Variants in KCNS1 observed in about 807,000 individuals in gnomAD.
The protein encoded by KCNS1 is delayed-rectifier potassium channel regulatory subunit KCNS1.
In KCNS1, 26 loss-of-function variants were observed where a neutral mutation model predicts 33.1. The observed-to-expected ratio is 0.79, with a 90% CI of 0.58 to 1.09. The LOEUF is 1.09. KCNS1 is among the 50% of genes least tolerant of loss of function. The probability of loss-of-function intolerance (pLI) is 0.00; values close to 1 mark genes in which losing one functional copy is unlikely to be tolerated. For missense variants in KCNS1, 702 were observed against 752.4 expected (o/e 0.93, Z 0.78); for synonymous variants, 299 against 338.8 (o/e 0.88, Z 1.29).
chr20:45,098,357 C>A lies in KCNS1; in HGVS notation c.415G>T (p.Asp139Tyr). ...LCVFAFGQEA[D>Y]YWGLGENALA... Reference sequence around the variant, plus strand: ...GCGTTCTCGCCTAGGCCCCAGTAGTCGGCCTCCTGGCCAAAGGCGAAGACG... The same window carrying A: ...GCGTTCTCGCCTAGGCCCCAGTAGTAGGCCTCCTGGCCAAAGGCGAAGACG... Residue 139 changes from aspartate (D) to tyrosine (Y), a missense_variant, in exon 3 of 4, where the codon GAC (aspartate) becomes TAC (tyrosine). Physicochemically the swap from Asp to Tyr is radical, Grantham distance 160. Transcript: ENST00000537075. This position sits in a 1 kb window ranked among gnomAD's most constrained non-coding sequence, Gnocchi z 5.2. 2 of 1,575,980 alleles carry A rather than the reference C, an allele frequency of 1.3e-6. No individual in the cohort carries two copies. Among genetic ancestry groups the A allele is most frequent in the Non-Finnish European group, 8.6e-7 (1 of 1,161,096 alleles).
chr20:45,099,296 A>G lies in KCNS1; in HGVS notation c.-3-57T>C, dbSNP rs539042357. On this transcript the variant is annotated intron_variant, in intron 1 of 3. Transcript: ENST00000537075. ...CCTGCCATCGATTTACTGAATCGGG[A>G]ACTCTAAGGGTGGGGTCTAGCACTT... The G allele has an allele frequency of 5.4e-6, 5 of 924,992 alleles. No individual in the cohort carries two copies. The African/African-American group carries it at 8.2e-5, about 15-fold the overall frequency. 57.3% of individuals were successfully genotyped at this position (924,992 alleles called of 1,614,324 possible).
chr20:45,096,362 G>A (rs1358836683), intron 3 of KCNS1, among the ~76,000 whole-genome samples: 2 of 152,150 alleles, frequency 1.3e-5, no homozygotes. Flanking sequence ...GTCAGGCCCT[G>A]GCTCTCTGCA....
At position 45,099,147 on chromosome 20, in the gene KCNS1, ATAG is replaced by A; in HGVS notation, c.76+11_76+13del. ...AACCTGTTTCTTCTGCAAAATGAGG[ATAG>A]TAACACTTACCTCCTAGGGGTGTTG... On this transcript the variant is annotated intron_variant, in intron 2 of 3. Coordinates refer to ENST00000537075, the MANE Select transcript of KCNS1 (RefSeq NM_001322799.2). The A allele has an allele frequency of 6.4e-7, 1 of 1,550,834 alleles. No homozygotes were observed.
At chr20:45,097,611 G>T in intron 3 of KCNS1, 51 bp downstream of exon 3, 2 of 1,523,602 alleles carry the variant, frequency 1.3e-6, no homozygotes, top group Non-Finnish European at 1.8e-6. Context: ...CTAACCTGCC[G>T]GATGGCTACA....
Position 45,098,007 on chromosome 20 carries a change from A to T in KCNS1, c.765T>A (p.Ala255=), listed in dbSNP as rs1568791506. The change falls in exon 3 of 4, where the codon GCT becomes GCA. Residue 255 remains alanine, a synonymous_variant. Coordinates refer to ENST00000537075, the MANE Select transcript of KCNS1 (RefSeq NM_001322799.2). The surrounding 1 kb of genome is among the most constrained non-coding windows in gnomAD (Gnocchi z 5.2). ...CCGGGCTGCGGCCCGCGGCCACCGCAGCCACGGCGGCCGCCGCCTCGCGGG... is the reference window on the plus strand; with the variant it reads ...CCGGGCTGCGGCCCGCGGCCACCGCTGCCACGGCGGCCGCCGCCTCGCGGG... The part of the protein sequence containing the change: ...YQAREAAAAV[A]AVAAGRSPEG... 1.3e-6 allele frequency: 2 copies of T among 1,514,480 alleles called. No individual in the cohort carries two copies. Among genetic ancestry groups the T allele is most frequent in the Non-Finnish European group, 1.8e-6 (2 of 1,135,060 alleles). 93.8% of individuals were successfully genotyped at this position (1,514,480 alleles called of 1,614,324 possible).
In KCNS1 at chr20:45,094,766, C is replaced by G; in HGVS notation, c.*104G>C. 2 of 929,696 alleles carry G rather than the reference C, an allele frequency of 2.2e-6. No homozygotes were observed. Among genetic ancestry groups the G allele is most frequent in the South Asian group, 3.2e-5 (2 of 63,160 alleles). The allele number at this position is 929,696 out of a possible 1,614,324, so 57.6% of individuals were successfully genotyped here. The stretch of plus-strand genomic sequence containing the variant: ...AATGCAGCTTTTGAATCTCATTTCT[C>G]AGGACAGCATGAGTGATCCTGGGAG... On this transcript the variant is annotated 3_prime_UTR_variant, in exon 4 of 4. Transcript: ENST00000537075.
chr20:45,096,925 G>A (rs1981202573), intron 3 of KCNS1, among the ~76,000 whole-genome samples: 2 of 152,204 alleles, frequency 1.3e-5, no homozygotes, highest in African/African-American at 4.8e-5. Context: ...TCTCTCTCCA[G>A]GCCTCGGCAC....
chr20:45,096,020 T>C (rs924706963), intron 3 of KCNS1, among the ~76,000 whole-genome samples: 3 of 152,028 alleles, frequency 2.0e-5, no homozygotes, highest in African/African-American at 7.2e-5. Context: ...CATCCTAAAA[T>C]GTACAGGGCA....
At position 45,099,351 on chromosome 20, in the gene KCNS1, G is replaced by C. The variant is rs962273612; in HGVS notation, c.-3-112C>G. The C allele has an allele frequency of 7.4e-6, 5 of 677,134 alleles. No homozygotes were observed. In the African/African-American group the frequency reaches 8.9e-5, roughly 12 times the overall value. 41.9% of individuals were successfully genotyped at this position (677,134 alleles called of 1,614,324 possible). Reference sequence around the variant, plus strand: ...TTCTAACAAGATTGGAAAGTGATTCGGCTACATAGTCAAGTTTGAGAGCTC... The same window carrying C: ...TTCTAACAAGATTGGAAAGTGATTCCGCTACATAGTCAAGTTTGAGAGCTC... On this transcript the variant is annotated intron_variant, in intron 1 of 3. Transcript: ENST00000537075.
Position 45,094,527 on chromosome 20 carries a change from G to A in KCNS1, c.*343C>T, listed in dbSNP as rs562438895. 1.4e-5 allele frequency: 3 copies of A among 213,702 alleles called. No homozygotes were observed. The highest frequency in any genetic ancestry group is 1.1e-4 in the South Asian group (1 of 9,488). The allele number at this position is 213,702 out of a possible 1,614,324, so 13.2% of individuals were successfully genotyped here. A position where few individuals can be genotyped will look rare whatever the true frequency, so the allele number is the denominator to read the frequency against. On this transcript the variant is annotated 3_prime_UTR_variant, in exon 4 of 4. Transcript: ENST00000537075. ...CTTGGTTTCCTCATCTGTGAAGTGG[G>A]GATAATTCTCTTTCTCCAACACAAG...
rs1209118689 is a variant in KCNS1 at position 45,091,485 on chromosome 20, C to T, written c.*3385G>A. 6.6e-6 allele frequency among the ~76,000 whole-genome samples: 1 copy of T among 152,200 alleles called. No individual in the cohort carries two copies. Among genetic ancestry groups the T allele is most frequent in the Non-Finnish European group, 1.5e-5 (1 of 68,034 alleles). ...TAGAGCTCCCCTCATTCCTGTATTT[C>T]CTGAGGCCTCGTCAGTCAGCTCTTC... On this transcript the variant is annotated 3_prime_UTR_variant, in exon 4 of 4. Coordinates refer to ENST00000537075, the MANE Select transcript of KCNS1 (RefSeq NM_001322799.2).
chr20:45,095,422 G>C (rs1981154247), intron 3 of KCNS1, 82 bp from the exon 4 acceptor site: 1 of 1,299,534 alleles, frequency 7.7e-7, no homozygotes, highest in Admixed American at 2.3e-5. Context: ...CTGAGGCCCA[G>C]AGAGTATAAA....
In KCNS1 at chr20:45,098,086, A is replaced by T; in HGVS notation, c.686T>A (p.Val229Glu). The T allele has an allele frequency of 6.4e-7, 1 of 1,569,818 alleles. No homozygotes were observed. The highest frequency in any genetic ancestry group is 8.6e-7 in the Non-Finnish European group (1 of 1,158,454). ...SKLFSCVSISVVLASIAAMCI... is the reference protein window; with the variant it reads ...SKLFSCVSISEVLASIAAMCI... ...CATGGCGGCGATGGAGGCGAGCACC[A>T]CGCTGATGGAGACGCAGCTGAAGAG... Residue 229 changes from valine (V) to glutamate (E), a missense_variant, in exon 3 of 4, where the codon GTG becomes GAG. Physicochemically the swap from Val to Glu is moderately radical, Grantham distance 121. Transcript: ENST00000537075. The surrounding 1 kb of genome is among the most constrained non-coding windows in gnomAD (Gnocchi z 5.2).
intron 3 of KCNS1, 117 bp from the exon 4 acceptor site, chr20:45,095,457 A>C: frequency 1.1e-6 from 1 of 932,294 alleles, no homozygotes; most frequent in Non-Finnish European, 1.6e-6. Flanking sequence ...TCAGCAAGAT[A>C]GAGCTGGTGC....
chr20:45,100,437 C>T (rs1981354829), intron 1 of KCNS1: 1 of 152,248 alleles, frequency 6.6e-6, no homozygotes, highest in Non-Finnish European at 1.5e-5. Context: ...GGGCAAATCC[C>T]TTCATCCATC....
Position 45,098,942 on chromosome 20 carries a change from C to A in KCNS1, c.76+219G>T, listed in dbSNP as rs1467606996. Reference sequence around the variant, plus strand: ...TCACTGACCCACCCCACCCCCATTTCATTTTTCTCCTTTGGAAAGTAAATG... The same window carrying A: ...TCACTGACCCACCCCACCCCCATTTAATTTTTCTCCTTTGGAAAGTAAATG... On this transcript the variant is annotated intron_variant, in intron 2 of 3. Coordinates refer to ENST00000537075, the MANE Select transcript of KCNS1 (RefSeq NM_001322799.2). The surrounding 1 kb of genome is among the most constrained non-coding windows in gnomAD (Gnocchi z 5.2). 1.3e-5 allele frequency among the ~76,000 whole-genome samples: 2 copies of A among 152,160 alleles called. No homozygotes were observed. The highest frequency in any genetic ancestry group is 1.5e-5 in the Non-Finnish European group (1 of 68,030).
chr20:45,097,818 GA>G lies in KCNS1; in HGVS notation c.953del (p.Leu318ProfsTer100). On this transcript the variant is annotated frameshift_variant, in exon 3 of 4. Coordinates refer to ENST00000537075, the MANE Select transcript of KCNS1 (RefSeq NM_001322799.2). LOFTEE classifies it high-confidence loss of function. ...CCAGTGCCACACCAGCCAGCAGCGT[GA>G]GATAGAAGGGCAGCACAGACACAAT... ...IDIVSVLPFY[L>X]TLLAGVALGD... 6.2e-7 allele frequency: 1 copy of G among 1,613,738 alleles called. No individual in the cohort carries two copies. Among genetic ancestry groups the G allele is most frequent in the Non-Finnish European group, 8.5e-7 (1 of 1,179,990 alleles).
chr20:45,099,966 C>CT (rs1457767434), intron 1 of KCNS1, among the ~76,000 whole-genome samples: 2 of 152,252 alleles, frequency 1.3e-5, no homozygotes, highest in South Asian at 4.1e-4. Flanking sequence ...ACCCTTAGCT[C>CT]TATCACTTGT....
chr20:45,098,341 C>T lies in KCNS1; in HGVS notation c.431G>A (p.Gly144Asp). The change falls in exon 3 of 4, where the codon GGC becomes GAC. Residue 144 changes from glycine (G) to aspartate (D), a missense_variant. Around this residue, in one of 3 missense-constraint regions of KCNS1, gnomAD observed 374 missense variants for 352.3 expected, o/e 1.06. Transcript: ENST00000537075. This position sits in a 1 kb window ranked among gnomAD's most constrained non-coding sequence, Gnocchi z 5.2. The part of the protein sequence containing the change: ...FGQEADYWGL[G>D]ENALAACCRA... ...GCAGCACGCGGCAAGCGCGTTCTCG[C>T]CTAGGCCCCAGTAGTCGGCCTCCTG... 6.4e-7 allele frequency: 1 copy of T among 1,573,284 alleles called. No individual in the cohort carries two copies. The highest frequency in any genetic ancestry group is 1.2e-5 in the South Asian group (1 of 86,504).
Sources: gnomAD v4.1 joint callset for allele counts (sites outside exome capture counted in the v4.1 genomes callset) on GRCh38, gnomAD v4.1.1 for gene constraint, gnomAD v4.1.1 regional missense constraint, Gnocchi (gnomAD v3.1) non-coding constraint, MANE v1.5 for transcripts, NCBI Gene and HGNC (gene_info 2026-07-23, HGNC 2026-07-21) for gene names.